CT47B1: variants seen among roughly 807,000 people sequenced by gnomAD.
CT47B1 encodes cancer/testis CT47 family, member 13.
Under a neutral mutation model 12.8 loss-of-function variants are expected in CT47B1, and 24 were observed. The observed-to-expected ratio is 1.87, with a 90% CI of 1.36 to 2.63. The LOEUF is 2.63. CT47B1 is among the 30% of genes most tolerant of loss of function. The pLI is 0.00. For synonymous variants in CT47B1, 228 were observed against 133.3 expected (o/e 1.71, Z -4.89); for missense variants, 523 against 271.3 (o/e 1.93, Z -6.52).
rs370645091 is a variant in CT47B1, at chrX:120,875,251, G to C, written c.420C>G (p.His140Gln). The C allele has an allele frequency of 1.7e-6, 2 of 1,210,300 alleles. No individual in the cohort carries two copies. Among genetic ancestry groups the C allele is most frequent in the African/African-American group, 3.5e-5 (2 of 57,605 alleles). ...SLLRRLYHND[H>Q]IQIANRHLSR... ...TGAGGTGACGGTTCGCTATCTGGATGTGGTCGTTGTGATAGAGGCGGCGGA... is the reference window on the plus strand; with the variant it reads ...TGAGGTGACGGTTCGCTATCTGGATCTGGTCGTTGTGATAGAGGCGGCGGA... Residue 140 changes from histidine (H) to glutamine (Q), a missense_variant, in exon 1 of 3, where the codon CAC (histidine) becomes CAG (glutamine). Coordinates refer to ENST00000371311, the MANE Select transcript of CT47B1 (RefSeq NM_001145718.3).
Position 120,875,281 on chromosome X carries a change from G to A in CT47B1, c.390C>T (p.Ser130=). The A allele has an allele frequency of 3.3e-6, 4 of 1,211,483 alleles. No homozygotes were observed. Among genetic ancestry groups the A allele is most frequent in the Non-Finnish European group, 3.4e-6 (3 of 894,912 alleles). The change falls in exon 1 of 3, where the codon TCC becomes TCT. Residue 130 remains serine, a synonymous_variant. Coordinates refer to ENST00000371311, the MANE Select transcript of CT47B1 (RefSeq NM_001145718.3). The stretch of plus-strand genomic sequence containing the variant: ...CGTTGTGATAGAGGCGGCGGAGAAG[G>A]GAGTGGACCAGGTACAGGAACACGA... ...IGFVFLYLVH[S]LLRRLYHNDH... is the part of the protein sequence containing the mutation.
chrX:120,874,926 G>A lies in CT47B1; in HGVS notation c.745C>T (p.Pro249Ser), dbSNP rs762756080. 7.4e-6 allele frequency: 9 copies of A among 1,209,823 alleles called. No individual in the cohort carries two copies. In the Admixed American group the frequency reaches 1.5e-4, roughly 20 times the overall value. ...GGGGCCACGGCCTCCTCTGAGGTCG[G>A]TTCCTCTGCGGCCGGTTCCTCTGTG... ...EATEEPAAEEPTSEEAVAPEE... is the reference protein window; with the variant it reads ...EATEEPAAEESTSEEAVAPEE... Residue 249 changes from proline (P) to serine (S), a missense_variant, in exon 1 of 3, where the codon CCG (proline) becomes TCG (serine). Physicochemically the swap from Pro to Ser is moderately conservative, Grantham distance 74. Coordinates refer to ENST00000371311, the MANE Select transcript of CT47B1 (RefSeq NM_001145718.3).
Position 120,875,597 on chromosome X carries a change from G to C in CT47B1, c.74C>G (p.Ala25Gly). 1 of 1,150,772 alleles carries C rather than the reference G, an allele frequency of 8.7e-7. No homozygotes were observed. The allele number at this position is 1,150,772 out of a possible 1,213,427, so 94.8% of individuals were successfully genotyped here. Residue 25 changes from alanine (A) to glycine (G), a missense_variant, in exon 1 of 3, where the codon GCC becomes GGC. Coordinates refer to ENST00000371311, the MANE Select transcript of CT47B1 (RefSeq NM_001145718.3). ...CTGGTTACCAGCTCCGGCCGCCTCG[G>C]CCTGTGCTCCCTCCTGGCTTACCGG... ...EAPVSQEGAQ[A>G]EAAGAGNQEG... is the part of the protein sequence containing the mutation.
In CT47B1 at chrX:120,874,333, T is replaced by A. The variant is rs1301203131; in HGVS notation, c.776-313A>T. On this transcript the variant is annotated intron_variant, in intron 1 of 2. Transcript: ENST00000371311. ...TGAATCATCGGGTCTGATCTCATTCTATGGTGTTTTGGTCAGAACTTTGTT... is the reference window on the plus strand; with the variant it reads ...TGAATCATCGGGTCTGATCTCATTCAATGGTGTTTTGGTCAGAACTTTGTT... 2.7e-5 allele frequency among the ~76,000 whole-genome samples: 3 copies of A among 110,974 alleles called. No homozygotes were observed. The Admixed American group carries it at 2.9e-4, about 11-fold the overall frequency.
rs778440981 is a variant in CT47B1, at chrX:120,875,430, C to T, written c.241G>A (p.Ala81Thr). ...GLAAVPQGGSAEEDSDIGPAT... is the reference protein window; with the variant it reads ...GLAAVPQGGSTEEDSDIGPAT... Reference sequence around the variant, plus strand: ...GGCCCGATATCTGAGTCCTCCTCGGCGCTCCCGCCCTGGGGGACTGCGGCC... The same window carrying T: ...GGCCCGATATCTGAGTCCTCCTCGGTGCTCCCGCCCTGGGGGACTGCGGCC... Residue 81 changes from alanine to threonine, a missense_variant, in exon 1 of 3, where the codon GCC becomes ACC. Physicochemically the swap from Ala to Thr is moderately conservative, Grantham distance 58 (BLOSUM62 0). Coordinates refer to ENST00000371311, the MANE Select transcript of CT47B1 (RefSeq NM_001145718.3). The T allele has an allele frequency of 9.1e-6, 11 of 1,206,356 alleles. 1 individual carries two copies. The highest frequency in any genetic ancestry group is 3.5e-5 in the South Asian group (2 of 56,597).
chrX:120,874,482 T>C lies in CT47B1; in HGVS notation c.775+414A>G, dbSNP rs1341447402. 4.5e-5 allele frequency among the ~76,000 whole-genome samples: 5 copies of C among 111,070 alleles called. No homozygotes were observed. In the East Asian group the frequency reaches 1.1e-3, roughly 25 times the overall value. Reference sequence around the variant, plus strand: ...ACTTCATCATTTGGGGGATCAACTTTCTACGAATCTTTACACTTTGAAAAG... The same window carrying C: ...ACTTCATCATTTGGGGGATCAACTTCCTACGAATCTTTACACTTTGAAAAG... On this transcript the variant is annotated intron_variant, in intron 1 of 2. Coordinates refer to ENST00000371311, the MANE Select transcript of CT47B1 (RefSeq NM_001145718.3).
rs755387776 is a variant in CT47B1, at chrX:120,875,254, G to T, written c.417C>A (p.Asp139Glu). The T allele has an allele frequency of 8.3e-6, 10 of 1,211,513 alleles. No individual in the cohort carries two copies. Among genetic ancestry groups the T allele is most frequent in the Admixed American group, 2.2e-5 (1 of 46,160 alleles). The stretch of plus-strand genomic sequence containing the variant: ...GGTGACGGTTCGCTATCTGGATGTG[G>T]TCGTTGTGATAGAGGCGGCGGAGAA... ...HSLLRRLYHNDHIQIANRHLS... is the reference protein window; with the variant it reads ...HSLLRRLYHNEHIQIANRHLS... Residue 139 changes from aspartate (D) to glutamate (E), a missense_variant, in exon 1 of 3, where the codon GAC becomes GAA. Transcript: ENST00000371311.
chrX:120,874,824 C>A (rs1471886508), intron 1 of CT47B1, 72 bp downstream of exon 1: 2 of 1,170,933 alleles, frequency 1.7e-6, no homozygotes, highest in Non-Finnish European at 2.3e-6. Flanking sequence ...GCTGTGCCCG[C>A]ACCGCAGCCC....
At position 120,874,031 on chromosome X, in the gene CT47B1, G is replaced by T. The variant is rs769750173; in HGVS notation, c.776-11C>A. The stretch of plus-strand genomic sequence containing the variant: ...GAGATTTAGTGACTTCTTTAGGGAA[G>T]AATAATACACACATGGGGACCAGAC... On this transcript the variant is annotated splice_polypyrimidine_tract_variant and intron_variant, in intron 1 of 2. Coordinates refer to ENST00000371311, the MANE Select transcript of CT47B1 (RefSeq NM_001145718.3). 12 of 583,062 alleles carry T rather than the reference G, an allele frequency of 2.1e-5. No individual in the cohort carries two copies. Among genetic ancestry groups the T allele is most frequent in the Non-Finnish European group, 3.0e-5 (12 of 400,201 alleles). 48.1% of individuals were successfully genotyped at this position (583,062 alleles called of 1,213,427 possible).
chrX:120,874,899 C>G lies in CT47B1; in HGVS notation c.772G>C (p.Glu258Gln). 1.7e-6 allele frequency: 2 copies of G among 1,209,073 alleles called. No individual in the cohort carries two copies. The highest frequency in any genetic ancestry group is 2.2e-6 in the Non-Finnish European group (2 of 894,601). The change falls in exon 1 of 3, where the codon GAG becomes CAG. Residue 258 changes from glutamate (E) to glutamine (Q), a missense_variant. Transcript: ENST00000371311. ...EPTSEEAVAPEEVTKSQPEKW... is the reference protein window; with the variant it reads ...EPTSEEAVAPQEVTKSQPEKW... ...CTGCTGCCGCTAGCCCCCTTACCCT[C>G]GGGGGCCACGGCCTCCTCTGAGGTC...
At position 120,872,630 on chromosome X, in the gene CT47B1, T is replaced by A. The variant is rs747134640; in HGVS notation, c.*142A>T. On this transcript the variant is annotated 3_prime_UTR_variant, in exon 3 of 3. Coordinates refer to ENST00000371311, the MANE Select transcript of CT47B1 (RefSeq NM_001145718.3). ...TATTCATTGAAAACAAACTTTTATT[T>A]TTAACTTGAACAAACACTGTCACAT... The A allele has an allele frequency of 8.9e-6, 1 of 112,610 alleles. No homozygotes were observed. The highest frequency in any genetic ancestry group is 2.8e-4 in the East Asian group (1 of 3,585). 9.3% of individuals were successfully genotyped at this position (112,610 alleles called of 1,213,427 possible). A position where few individuals can be genotyped will look rare whatever the true frequency, so the allele number is the denominator to read the frequency against.
Position 120,875,386 on chromosome X carries a change from C to T in CT47B1, c.285G>A (p.Glu95=), listed in dbSNP as rs1248305734. Residue 95 remains glutamate, a synonymous_variant, in exon 1 of 3, where the codon GAG becomes GAA. Transcript: ENST00000371311. ...SDIGPATEEE[E]EEEEGNEAAN... is the part of the protein sequence containing the mutation. Reference sequence around the variant, plus strand: ...CCGCCTCGTTCCCCTCTTCCTCCTCCTCCTCTTCCTCCGTCGCGGGCCCGA... The same window carrying T: ...CCGCCTCGTTCCCCTCTTCCTCCTCTTCCTCTTCCTCCGTCGCGGGCCCGA... 2 of 1,207,745 alleles carry T rather than the reference C, an allele frequency of 1.7e-6. No homozygotes were observed. Among genetic ancestry groups the T allele is most frequent in the African/African-American group, 3.5e-5 (2 of 57,522 alleles).
In CT47B1 at chrX:120,875,427, C is replaced by T. The variant is rs750185023; in HGVS notation, c.244G>A (p.Glu82Lys). 61 of 1,206,452 alleles carry T rather than the reference C, an allele frequency of 5.1e-5. 1 individual carries two copies. The highest frequency in any genetic ancestry group is 3.9e-4 in the Admixed American group (18 of 45,820). The change falls in exon 1 of 3, where the codon GAG becomes AAG. Residue 82 changes from glutamate (E) to lysine (K), a missense_variant. Physicochemically the swap from Glu to Lys is moderately conservative, Grantham distance 56 (BLOSUM62 1). Transcript: ENST00000371311. ...LAAVPQGGSA[E>K]EDSDIGPATE... ...GCGGGCCCGATATCTGAGTCCTCCT[C>T]GGCGCTCCCGCCCTGGGGGACTGCG...
chrX:120,872,805 A>G (rs1029002985), intron 2 of CT47B1, 65 bp from the exon 3 acceptor site: 1 of 101,784 alleles, frequency 9.8e-6, no homozygotes, highest in Non-Finnish European at 2.2e-5. Context: ...GGATGAAATG[A>G]GAGAAAATAA....
rs778432431 is a variant in CT47B1, at chrX:120,875,474, C to T, written c.197G>A (p.Gly66Asp). The change falls in exon 1 of 3, where the codon GGT (glycine) becomes GAT (aspartate). Residue 66 changes from glycine to aspartate, a missense_variant. Gly to Asp is a moderately conservative substitution (Grantham distance 94). Coordinates refer to ENST00000371311, the MANE Select transcript of CT47B1 (RefSeq NM_001145718.3). ...TGCGGCCAGGCCTGCCGCCTGCTCA[C>T]CCTCCTCCTCCCCGAGGCCTTCCAC... The part of the protein sequence containing the change: ...GPVEGLGEEE[G>D]EQAAGLAAVP... The T allele has an allele frequency of 8.3e-6, 10 of 1,201,571 alleles. No individual in the cohort carries two copies. The African/African-American group carries it at 1.8e-4, about 21-fold the overall frequency.
rs781242608 is a variant in CT47B1, at chrX:120,875,143, A to G, written c.528T>C (p.Gly176=). 1.9e-5 allele frequency: 23 copies of G among 1,209,150 alleles called. No individual in the cohort carries two copies. In the East Asian group the frequency reaches 6.2e-4, roughly 33 times the overall value. ...PPLLLLSQRL[G]AGAAAPEGEG... ...CGCCTTCTGGGGCTGCAGCCCCTGC[A>G]CCCAGCCTCTGGGACAGCAGCAGCA... is the stretch of plus-strand genomic sequence containing the variant. The change falls in exon 1 of 3, where the codon GGT becomes GGC. Residue 176 remains glycine, a synonymous_variant. Coordinates refer to ENST00000371311, the MANE Select transcript of CT47B1 (RefSeq NM_001145718.3).
chrX:120,874,288 T>C (rs1923851959), intron 1 of CT47B1, among the ~76,000 whole-genome samples: 1 of 108,056 alleles, frequency 9.3e-6, no homozygotes, highest in Non-Finnish European at 1.9e-5. Context: ...TATTTCTAGT[T>C]CTTTGGAGAA....
intron 2 of CT47B1, among the ~76,000 whole-genome samples, 154 bp from the exon 3 acceptor site, chrX:120,872,894 T>G (rs1923807659): frequency 2.0e-5 from 2 of 101,507 alleles, no homozygotes; most frequent in Middle Eastern, 0.011. Flanking sequence ...TCTGCAACAT[T>G]TGTGTGCTAT....
chrX:120,873,282 A>C (rs1209072632), intron 2 of CT47B1, among the ~76,000 whole-genome samples: 2 of 101,330 alleles, frequency 2.0e-5, no homozygotes, highest in Non-Finnish European at 4.4e-5. Context: ...AGACTTCATT[A>C]CCAATTCAGT....
Sources: allele counts gnomAD v4.1 joint callset (sites outside exome capture counted in the v4.1 genomes callset), GRCh38; gene constraint gnomAD v4.1.1; transcripts MANE v1.5; gene names NCBI Gene and HGNC (gene_info 2026-07-23, HGNC 2026-07-21).